EPHA6: variants seen among roughly 807,000 people sequenced by gnomAD.
EPHA6 encodes EPH receptor A6.
In EPHA6, 50 loss-of-function variants were observed where a neutral mutation model predicts 112.0. That is an observed-to-expected ratio of 0.45 (90% confidence interval 0.36 to 0.56). The LOEUF (loss-of-function observed/expected upper bound fraction) is 0.56, where lower values mean the gene tolerates loss of function less well. EPHA6 is among the 20% of genes least tolerant of loss of function. EPHA6 has a pLI of 0.00. For missense variants in EPHA6, 1,280 were observed against 1,417.4 expected (o/e 0.90, Z 1.56); for synonymous variants, 529 against 490.7 (o/e 1.08, Z -1.03).
At chr3:97,051,690 G>A (rs1043213922) in intron 3 of EPHA6, among the ~76,000 whole-genome samples, 27 of 152,136 alleles carry the variant, frequency 1.8e-4, no homozygotes, top group Non-Finnish European at 3.7e-4. Flanking sequence ...TCAGGAGGAA[G>A]ATTGCTTCTA....
chr3:96,825,736 C>A (rs2033615218), intron 1 of EPHA6, among the ~76,000 whole-genome samples: 1 of 151,886 alleles, frequency 6.6e-6, no homozygotes. Flanking sequence ...CCGTGATTAG[C>A]TGTTGACATT....
At chr3:97,453,668 A>C (rs1419912513) in intron 7 of EPHA6, among the ~76,000 whole-genome samples, 1 of 151,714 alleles carries the variant, frequency 6.6e-6, no homozygotes, top group Non-Finnish European at 1.5e-5. Context: ...ATTTTTACAA[A>C]AAGTGGTATG....
intron 5 of EPHA6, among the ~76,000 whole-genome samples, chr3:97,279,164 A>T (rs1037207621): frequency 1.3e-5 from 2 of 152,230 alleles, no homozygotes; most frequent in Non-Finnish European, 2.9e-5. Context: ...GAAAAGGGCC[A>T]GAACATCCAT....
chr3:97,646,000 G>T (rs1387161042), intron 14 of EPHA6: 4 of 683,526 alleles, frequency 5.9e-6, no homozygotes, highest in African/African-American at 5.6e-5. Context: ...TTGGGGAGAG[G>T]TTTGTAATCT....
chr3:97,341,407 T>A (rs2083296923), intron 5 of EPHA6, among the ~76,000 whole-genome samples: 1 of 151,542 alleles, frequency 6.6e-6, no homozygotes, highest in South Asian at 2.1e-4. Flanking sequence ...CAGGCTGGAG[T>A]GCAGTGGCAC....
At chr3:97,098,964 T>C (rs1206544761) in intron 3 of EPHA6, among the ~76,000 whole-genome samples, 1 of 151,904 alleles carries the variant, frequency 6.6e-6, no homozygotes, top group Non-Finnish European at 1.5e-5. Context: ...TAAGAATTTA[T>C]GAGATTCTAT....
intron 2 of EPHA6, among the ~76,000 whole-genome samples, chr3:96,895,045 A>G (rs1382307890): frequency 6.6e-6 from 1 of 152,198 alleles, no homozygotes; most frequent in Non-Finnish European, 1.5e-5. Flanking sequence ...CACCATGGAC[A>G]ATTTCTGAAA....
chr3:97,241,755 G>GTT (rs553996537), intron 4 of EPHA6, among the ~76,000 whole-genome samples: 18 of 116,896 alleles, frequency 1.5e-4, no homozygotes, highest in South Asian at 3.0e-4. Flanking sequence ...CAGCCTTCTT[G>GTT]TTTTTTTTTT....
At chr3:97,328,889 A>T (rs1250862491) in intron 5 of EPHA6, among the ~76,000 whole-genome samples, 1 of 152,080 alleles carries the variant, frequency 6.6e-6, no homozygotes, top group Non-Finnish European at 1.5e-5. Context: ...ATATGTATGC[A>T]TGTGCCATAT....
intron 2 of EPHA6, among the ~76,000 whole-genome samples, chr3:96,921,501 A>G (rs1465004810): frequency 6.6e-6 from 1 of 151,800 alleles, no homozygotes; most frequent in Non-Finnish European, 1.5e-5. Context: ...CCTTCATAAA[A>G]CTCTATTCAA....
At chr3:97,036,582 TC>T (rs1452559270) in intron 3 of EPHA6, among the ~76,000 whole-genome samples, 1 of 151,942 alleles carries the variant, frequency 6.6e-6, no homozygotes, top group Non-Finnish European at 1.5e-5. Context: ...TCTATTTGAG[TC>T]CCTTTGTATA....
Position 97,387,318 on chromosome 3 carries a change from T to TTC in EPHA6, c.1607-17831_1607-17830insCT, listed in dbSNP as rs1432789957. Among the ~76,000 whole-genome samples the TTC allele has an allele frequency of 1.2e-3, 178 of 148,042 alleles. 2 individuals are homozygous for TTC. The highest frequency in any genetic ancestry group is 4.2e-3 in the African/African-American group (170 of 40,832). On this transcript the variant is annotated intron_variant, in intron 5 of 17. Coordinates refer to ENST00000389672, the MANE Select transcript of EPHA6 (RefSeq NM_001080448.3). ...TTTTAAATAATAGTTACAATTCAGT[T>TTC]TTTTTTTTTTTTTTGCTTATGCAAT... is the stretch of plus-strand genomic sequence containing the variant.
intron 5 of EPHA6, among the ~76,000 whole-genome samples, chr3:97,364,707 A>G (rs1346285693): frequency 6.6e-6 from 1 of 152,132 alleles, no homozygotes; most frequent in African/African-American, 2.4e-5. Flanking sequence ...CTAAAATAAA[A>G]AAGTCCTATT....
At chr3:97,034,525 G>A (rs2045008099) in intron 3 of EPHA6, among the ~76,000 whole-genome samples, 1 of 151,824 alleles carries the variant, frequency 6.6e-6, no homozygotes, top group African/African-American at 2.4e-5. Flanking sequence ...TGACAAATGT[G>A]TTCTTTTGAA....
At chr3:97,237,780 T>C (rs529961207) in intron 4 of EPHA6, among the ~76,000 whole-genome samples, 5 of 152,042 alleles carry the variant, frequency 3.3e-5, no homozygotes, top group Non-Finnish European at 5.9e-5. Context: ...TGGATGCTTG[T>C]CTAAAAGTAA....
chr3:97,360,971 C>G (rs2084340606), intron 5 of EPHA6, among the ~76,000 whole-genome samples: 1 of 152,140 alleles, frequency 6.6e-6, no homozygotes, highest in South Asian at 2.1e-4. Context: ...CTGTAGGAGA[C>G]ATTACTCAGC....
intron 6 of EPHA6, among the ~76,000 whole-genome samples, chr3:97,440,885 G>C (rs1019473215): frequency 6.6e-5 from 10 of 151,576 alleles, no homozygotes; most frequent in African/African-American, 2.2e-4. Context: ...AATAAGACAA[G>C]ACTAGATGTA....
intron 5 of EPHA6, among the ~76,000 whole-genome samples, chr3:97,303,277 CT>C (rs2108726767): frequency 6.6e-6 from 1 of 151,912 alleles, no homozygotes; most frequent in African/African-American, 2.4e-5. Flanking sequence ...TGTGAAATCT[CT>C]CTGGAATAAT....
intron 2 of EPHA6, among the ~76,000 whole-genome samples, chr3:96,976,516 A>G (rs2042530148): frequency 6.6e-6 from 1 of 152,190 alleles, no homozygotes; most frequent in African/African-American, 2.4e-5. Flanking sequence ...TTTTAAAGTA[A>G]ATGTTTACAC....
Sources: gnomAD v4.1 joint callset for allele counts (sites outside exome capture counted in the v4.1 genomes callset) on GRCh38, gnomAD v4.1.1 for gene constraint, MANE v1.5 for transcripts, NCBI Gene and HGNC (gene_info 2026-07-23, HGNC 2026-07-21) for gene names.